The following SCN3A variants were observed in gnomAD, a reference collection of about 807,000 sequenced individuals.
The protein encoded by SCN3A is sodium channel protein type 3 subunit alpha.
A neutral mutation model predicts 187.6 loss-of-function variants in SCN3A; 60 were observed. The ratio of observed to expected loss-of-function variants is 0.32; its 90% confidence interval spans 0.26 to 0.40. The LOEUF (loss-of-function observed/expected upper bound fraction) is 0.40, where lower values mean the gene tolerates loss of function less well. Among genes scored for constraint, SCN3A ranks in the 10% least tolerant of loss-of-function variants. SCN3A has a pLI of 1.00. For missense variants in SCN3A, 1,601 were observed against 2,428.2 expected, an observed-to-expected ratio of 0.66 and a Z score of 7.16; for synonymous variants, 788 against 829.2, an observed-to-expected ratio of 0.95 and a Z score of 0.85.
Position 165,140,808 on chromosome 2 carries a change from C to T in SCN3A, c.1862G>A (p.Arg621His), listed in dbSNP as rs965476894. 20 of 1,614,012 alleles carry T rather than the reference C, an allele frequency of 1.2e-5. No individual in the cohort carries two copies. The highest frequency in any genetic ancestry group is 2.7e-5 in the African/African-American group (2 of 74,938). The change falls in exon 13 of 28, where the codon CGC becomes CAC. Residue 621 changes from arginine (R) to histidine (H), a missense_variant. By Grantham distance (29) the Arg-to-His change is conservative. Around this residue, in one of 11 missense-constraint regions of SCN3A, gnomAD observed 376 missense variants for 476.0 expected, o/e 0.79. Coordinates refer to ENST00000283254, the MANE Select transcript of SCN3A (RefSeq NM_006922.4). The surrounding 1 kb of genome is among the most constrained non-coding windows in gnomAD (Gnocchi z 4.2). ...ACTGGCCTGACTAACGTTACTGTTGCGTCGCTCTCCATGTCTGTGCGGCAC... is the reference window on the plus strand; with the variant it reads ...ACTGGCCTGACTAACGTTACTGTTGTGTCGCTCTCCATGTCTGTGCGGCAC... ...LFVPHRHGER[R>H]NSNVSQASMS...
At chr2:165,119,271 C>T (rs1003591407) in intron 18 of SCN3A, among the ~76,000 whole-genome samples, 11 of 152,140 alleles carry the variant, frequency 7.2e-5, no homozygotes, top group African/African-American at 2.7e-4. Flanking sequence ...ACATATTTAT[C>T]ATAGGAAAGT....
At chr2:165,187,064 G>T (rs1405398038) in intron 1 of SCN3A, among the ~76,000 whole-genome samples, 3 of 152,006 alleles carry the variant, frequency 2.0e-5, no homozygotes, top group Non-Finnish European at 2.9e-5. Flanking sequence ...CTTCCCTCTT[G>T]CTTCCTTCTC....
In SCN3A at chr2:165,096,537, T is replaced by C; in HGVS notation, c.4240-17A>G. The C allele has an allele frequency of 4.4e-6, 7 of 1,593,970 alleles. No homozygotes were observed. The highest frequency in any genetic ancestry group is 6.0e-6 in the Non-Finnish European group (7 of 1,162,154). On this transcript the variant is annotated splice_polypyrimidine_tract_variant and intron_variant, in intron 23 of 27. Coordinates refer to ENST00000283254, the MANE Select transcript of SCN3A (RefSeq NM_006922.4). ...AAATGTGGCCTGTAAATAACATATA[T>C]TTGAATTGTTCATAAAAATTTCACC... is the stretch of plus-strand genomic sequence containing the variant.
At chr2:165,127,307 C>T (rs1304235636) in intron 18 of SCN3A, among the ~76,000 whole-genome samples, 1 of 152,072 alleles carries the variant, frequency 6.6e-6, no homozygotes, top group Non-Finnish European at 1.5e-5. Flanking sequence ...AGTGATCTGC[C>T]TCCTTGGCCT....
Position 165,096,452 on chromosome 2 carries a change from T to A in SCN3A, c.4293+15A>T, listed in dbSNP as rs1333502947. The stretch of plus-strand genomic sequence containing the variant: ...GAAATCTAGAACCTATAAATAATAT[T>A]TGAGTGATACTTACATCTCGTGAAT... On this transcript the variant is annotated intron_variant, in intron 24 of 27. Coordinates refer to ENST00000283254, the MANE Select transcript of SCN3A (RefSeq NM_006922.4). The A allele has an allele frequency of 6.3e-7, 1 of 1,599,698 alleles. No individual in the cohort carries two copies. Among genetic ancestry groups the A allele is most frequent in the Non-Finnish European group, 8.6e-7 (1 of 1,167,278 alleles).
At chr2:165,137,558 T>C (rs931069260) in intron 15 of SCN3A, among the ~76,000 whole-genome samples, 1 of 152,116 alleles carries the variant, frequency 6.6e-6, no homozygotes, top group Admixed American at 6.6e-5. Context: ...TAAAACCACA[T>C]GATTGTGGAG....
At chr2:165,146,157 G>A (rs1045602192) in intron 12 of SCN3A, among the ~76,000 whole-genome samples, 2 of 151,946 alleles carry the variant, frequency 1.3e-5, no homozygotes, top group Non-Finnish European at 2.9e-5. Flanking sequence ...GCAAAATGGA[G>A]ACTCACCATA....
chr2:165,114,208 A>G (rs1445758896), intron 19 of SCN3A, among the ~76,000 whole-genome samples: 1 of 152,160 alleles, frequency 6.6e-6, no homozygotes, highest in Non-Finnish European at 1.5e-5. Flanking sequence ...TTAAGTAACA[A>G]TGGTTTCATT....
At chr2:165,193,645 C>G (rs571156745) in intron 1 of SCN3A, among the ~76,000 whole-genome samples, 7 of 152,090 alleles carry the variant, frequency 4.6e-5, no homozygotes, top group Non-Finnish European at 1.5e-5. Flanking sequence ...AAAATGACAG[C>G]CCACTGTTTT....
At position 165,157,879 on chromosome 2, in the gene SCN3A, CTG is replaced by C. The variant is rs1491327919; in HGVS notation, c.1032-1978_1032-1977del. Among the ~76,000 whole-genome samples the C allele has an allele frequency of 3.3e-5, 5 of 152,104 alleles. No individual in the cohort carries two copies. The East Asian group carries it at 9.6e-4, about 29-fold the overall frequency. On this transcript the variant is annotated intron_variant, in intron 9 of 27. Transcript: ENST00000283254. ...CACTGGAAGCTCTTTCAGTTGACAC[CTG>C]TAACAGTTTGACATACACCATGGTT...
Position 165,159,181 on chromosome 2 carries a change from C to T in SCN3A, c.1031+3127G>A, listed in dbSNP as rs2105878741. Among the ~76,000 whole-genome samples, 2 of 137,804 alleles carry T rather than the reference C, an allele frequency of 1.5e-5. 1 individual carries two copies. The highest frequency in any genetic ancestry group is 5.9e-5 in the African/African-American group (2 of 34,014). 90.4% of individuals were successfully genotyped at this position (137,804 alleles called of 152,430 possible). On this transcript the variant is annotated intron_variant, in intron 9 of 27. Coordinates refer to ENST00000283254, the MANE Select transcript of SCN3A (RefSeq NM_006922.4). ...CTCCTTGTTGTTTTAGTTTGCAATT[C>T]CCTAATGACAAATGATGTCGAGTGC...
chr2:165,196,820 A>G (rs1252728428), intron 1 of SCN3A, among the ~76,000 whole-genome samples: 1 of 152,092 alleles, frequency 6.6e-6, no homozygotes, highest in Non-Finnish European at 1.5e-5. Flanking sequence ...TAAAAAATTA[A>G]AAATCAAAGT....
intron 15 of SCN3A, among the ~76,000 whole-genome samples, chr2:165,133,176 T>G (rs1316658849): frequency 6.6e-6 from 1 of 152,138 alleles, no homozygotes; most frequent in African/African-American, 2.4e-5. Context: ...ACTTTTACAC[T>G]GTTTGTGGGA....
intron 21 of SCN3A, among the ~76,000 whole-genome samples, chr2:165,112,134 T>C (rs1574127985): frequency 6.6e-6 from 1 of 152,200 alleles, no homozygotes; most frequent in East Asian, 1.9e-4. Context: ...CTGTGAAGCC[T>C]TGTGCAACGG....
At chr2:165,146,602 T>C in intron 12 of SCN3A, 137 bp downstream of exon 12, 1 of 846,918 alleles carries the variant, frequency 1.2e-6, no homozygotes, top group Middle Eastern at 3.1e-4. Flanking sequence ...TTATAAGAAT[T>C]TAAACAACTA....
chr2:165,158,460 G>T lies in SCN3A; in HGVS notation c.1032-2557C>A, dbSNP rs1178585563. On this transcript the variant is annotated intron_variant, in intron 9 of 27. Transcript: ENST00000283254. The stretch of plus-strand genomic sequence containing the variant: ...AAGATTCACTCTTTGTGTTATAAAG[G>T]TCTATGAGTTTTAACAAATGCATTA... Among the ~76,000 whole-genome samples the T allele has an allele frequency of 4.4e-5, 6 of 135,028 alleles. 1 individual carries two copies. In the Admixed American group the frequency reaches 4.7e-4, roughly 11 times the overall value. The allele number at this position is 135,028 out of a possible 152,430, so 88.6% of individuals were successfully genotyped here.
In SCN3A at chr2:165,130,240, G is replaced by A; in HGVS notation, c.2622C>T (p.Ile874=). The A allele has an allele frequency of 1.9e-6, 3 of 1,614,142 alleles. No homozygotes were observed. The highest frequency in any genetic ancestry group is 2.5e-6 in the Non-Finnish European group (3 of 1,180,024). Residue 874 remains isoleucine (I), a synonymous_variant, in exon 17 of 28, where the codon ATC becomes ATT. Transcript: ENST00000283254. ...CTAGAGCCCCCACAGAATTGCCAAT[G>A]ATCTTAATTAGCATATTTAGTGTGG... ...SWPTLNMLIK[I]IGNSVGALGN...
At chr2:165,100,183 T>C in intron 22 of SCN3A, 119 bp downstream of exon 22, 1 of 1,218,134 alleles carries the variant, frequency 8.2e-7, no homozygotes, top group Non-Finnish European at 1.2e-6. Context: ...TCTAAGATTT[T>C]TGCTCTAATT....
intron 9 of SCN3A, among the ~76,000 whole-genome samples, chr2:165,157,146 G>C (rs988857179): frequency 6.6e-6 from 1 of 151,880 alleles, no homozygotes; most frequent in Admixed American, 6.6e-5. Context: ...TCCTGACCTC[G>C]TGATCCGCCT....
Sources: gnomAD v4.1 joint callset for allele counts (sites outside exome capture counted in the v4.1 genomes callset) on GRCh38, gnomAD v4.1.1 for gene constraint, gnomAD v4.1.1 regional missense constraint, Gnocchi (gnomAD v3.1) non-coding constraint, MANE v1.5 for transcripts, NCBI Gene and HGNC (gene_info 2026-07-23, HGNC 2026-07-21) for gene names.